Variants in OSBPL10 observed in about 807,000 individuals in gnomAD.
OSBPL10 encodes the protein oxysterol-binding protein-related protein 10.
OSBPL10 carries 49 observed loss-of-function variants against 81.7 expected under a neutral mutation model. The observed-to-expected ratio is 0.60, with a 90% CI of 0.48 to 0.76. OSBPL10 has a LOEUF of 0.76. OSBPL10 is among the 30% of genes least tolerant of loss of function. The probability of loss-of-function intolerance (pLI) is 0.00; values close to 1 mark genes in which losing one functional copy is unlikely to be tolerated. For missense variants in OSBPL10, 923 were observed against 987.8 expected, an observed-to-expected ratio of 0.93 and a Z score of 0.88; for synonymous variants, 419 against 383.6, an observed-to-expected ratio of 1.09 and a Z score of -1.08.
At chr3:31,942,249 T>TATGG (rs1409272095) in intron 1 of OSBPL10, among the ~76,000 whole-genome samples, 1 of 151,812 alleles carries the variant, frequency 6.6e-6, no homozygotes, top group Non-Finnish European at 1.5e-5. Context: ...GAATGCAATG[T>TATGG]ATGGCTCAAT....
At chr3:31,823,531 G>C (rs953119452) in intron 4 of OSBPL10, among the ~76,000 whole-genome samples, 11 of 152,294 alleles carry the variant, frequency 7.2e-5, no homozygotes, top group Middle Eastern at 3.4e-3. Flanking sequence ...ACGTTTTCTA[G>C]TAGGCGAATT....
chr3:31,759,723 A>C (rs1322619979), intron 4 of OSBPL10, among the ~76,000 whole-genome samples: 1 of 152,170 alleles, frequency 6.6e-6, no homozygotes, highest in Non-Finnish European at 1.5e-5. Context: ...CTGTATTCTT[A>C]CAACAAAGCA....
At chr3:31,809,582 G>C (rs56658789) in intron 4 of OSBPL10, among the ~76,000 whole-genome samples, 5,400 of 152,300 alleles carry the variant, frequency 0.035, 143 homozygotes, top group African/African-American at 0.061. Flanking sequence ...GACATGCTGA[G>C]TCTGAAGTTC....
In OSBPL10 at chr3:31,702,421, C is replaced by T. The variant is rs1695925560; in HGVS notation, c.1183G>A (p.Asp395Asn). 1 of 1,614,190 alleles carries T rather than the reference C, an allele frequency of 6.2e-7. No homozygotes were observed. The highest frequency in any genetic ancestry group is 8.5e-7 in the Non-Finnish European group (1 of 1,180,026). ...KEETELGVMEDQRSIILHLIS... is the reference protein window; with the variant it reads ...KEETELGVMENQRSIILHLIS... ...AGATGAAGAATTATACTACGCTGATCCTCCATGACGCCCAATTCCGTCTCT... is the reference window on the plus strand; with the variant it reads ...AGATGAAGAATTATACTACGCTGATTCTCCATGACGCCCAATTCCGTCTCT... The change falls in exon 7 of 12, where the codon GAT (aspartate) becomes AAT (asparagine). Residue 395 changes from aspartate (D) to asparagine (N), a missense_variant. Physicochemically the swap from Asp to Asn is conservative, Grantham distance 23 (BLOSUM62 1). Transcript: ENST00000396556.
At chr3:32,066,442 C>G (rs1016213005) in intron 1 of OSBPL10, 2 of 152,262 alleles carry the variant, frequency 1.3e-5, no homozygotes, top group African/African-American at 4.8e-5. Context: ...GGTCCCTATA[C>G]CGATCACCAT....
chr3:31,820,004 C>T (rs956775991), intron 4 of OSBPL10, among the ~76,000 whole-genome samples: 2 of 152,156 alleles, frequency 1.3e-5, no homozygotes, highest in African/African-American at 4.8e-5. Context: ...AGCCAACTCC[C>T]CCTAATAAAT....
At chr3:31,811,165 T>C (rs1699668674) in intron 4 of OSBPL10, among the ~76,000 whole-genome samples, 1 of 139,870 alleles carries the variant, frequency 7.1e-6, no homozygotes. Flanking sequence ...TGGATGGCAG[T>C]GCAGGATCAC....
intron 1 of OSBPL10, among the ~76,000 whole-genome samples, chr3:31,919,909 A>G (rs944110462): frequency 6.6e-6 from 1 of 152,206 alleles, no homozygotes; most frequent in Non-Finnish European, 1.5e-5. Flanking sequence ...TGAAACATGG[A>G]CGTGTTGTTA....
intron 5 of OSBPL10, among the ~76,000 whole-genome samples, chr3:31,740,045 C>CT (rs33919556): frequency 0.033 from 4,445 of 135,852 alleles, 85 homozygotes; most frequent in South Asian, 0.045. Context: ...ATGAATAATA[C>CT]TTTTTTTTTT....
At chr3:31,801,184 T>G (rs1330903432) in intron 4 of OSBPL10, among the ~76,000 whole-genome samples, 1 of 152,150 alleles carries the variant, frequency 6.6e-6, no homozygotes, top group African/African-American at 2.4e-5. Flanking sequence ...GAGCATGGGA[T>G]AAAGACTCTT....
chr3:31,762,254 C>T (rs1361864459), intron 4 of OSBPL10, among the ~76,000 whole-genome samples: 3 of 152,140 alleles, frequency 2.0e-5, no homozygotes, highest in Non-Finnish European at 4.4e-5. Flanking sequence ...TTTGCTGCTT[C>T]CCCCACATTT....
At chr3:32,068,886 G>C (rs923205481) in intron 1 of OSBPL10, among the ~76,000 whole-genome samples, 1 of 151,996 alleles carries the variant, frequency 6.6e-6, no homozygotes. Context: ...CTCCTCCCCA[G>C]ACTGCTCCTC....
At chr3:31,940,233 C>T (rs1218906649) in intron 1 of OSBPL10, among the ~76,000 whole-genome samples, 3 of 152,222 alleles carry the variant, frequency 2.0e-5, no homozygotes, top group Non-Finnish European at 4.4e-5. Context: ...TGGAACACTA[C>T]TCAGCAATGA....
chr3:32,052,113 G>A (rs1699674365), intron 1 of OSBPL10, among the ~76,000 whole-genome samples: 1 of 151,818 alleles, frequency 6.6e-6, no homozygotes, highest in South Asian at 2.1e-4. Flanking sequence ...TGGGTGTGGT[G>A]GCATGCACCT....
At chr3:32,070,490 A>G (rs1699821100) in intron 1 of OSBPL10, among the ~76,000 whole-genome samples, 1 of 151,832 alleles carries the variant, frequency 6.6e-6, no homozygotes. Flanking sequence ...CCCAACCTTA[A>G]TCCACAAATA....
At chr3:31,817,560 A>AACCT (rs1699871453) in intron 4 of OSBPL10, among the ~76,000 whole-genome samples, 1 of 151,670 alleles carries the variant, frequency 6.6e-6, no homozygotes, top group Non-Finnish European at 1.5e-5. Context: ...AGCTGCACCC[A>AACCT]CACCCACACC....
chr3:31,910,460 C>A (rs572445036), intron 1 of OSBPL10, among the ~76,000 whole-genome samples: 117 of 152,018 alleles, frequency 7.7e-4, no homozygotes, highest in African/African-American at 2.7e-3. Context: ...CATGGTGAAA[C>A]CCTGTCTCTA....
intron 8 of OSBPL10, among the ~76,000 whole-genome samples, chr3:31,679,875 T>TAAAA (rs1413099208): frequency 6.6e-6 from 1 of 152,132 alleles, no homozygotes; most frequent in African/African-American, 2.4e-5. Context: ...AACTCAAGTA[T>TAAAA]AAAAATCAAT....
At chr3:32,000,456 C>G (rs1260070164) in intron 2 of OSBPL10, among the ~76,000 whole-genome samples, 1 of 152,218 alleles carries the variant, frequency 6.6e-6, no homozygotes, top group Non-Finnish European at 1.5e-5. Context: ...CCCCACCACA[C>G]CAGTGGGCCT....
Sources: gnomAD v4.1 joint callset for allele counts (sites outside exome capture counted in the v4.1 genomes callset) on GRCh38, gnomAD v4.1.1 for gene constraint, MANE v1.5 for transcripts, NCBI Gene and HGNC (gene_info 2026-07-23, HGNC 2026-07-21) for gene names.